USP25: variants seen among roughly 807,000 people sequenced by gnomAD.
The protein encoded by USP25 is ubiquitin carboxyl-terminal hydrolase 25.
A neutral mutation model predicts 158.5 loss-of-function variants in USP25; 85 were observed. The ratio of observed to expected loss-of-function variants is 0.54; its 90% CI spans 0.45 to 0.64. The LOEUF (loss-of-function observed/expected upper bound fraction) is 0.64, where lower values mean the gene tolerates loss of function less well. Among genes scored for constraint, USP25 ranks in the 30% least tolerant of loss-of-function variants. USP25 has a pLI of 0.00. For synonymous variants in USP25, 464 were observed against 460.4 expected (o/e 1.01, Z -0.10); for missense variants, 1,242 against 1,327.3 (o/e 0.94, Z 1.00).
intron 1 of USP25, among the ~76,000 whole-genome samples, chr21:15,734,726 T>G (rs1378221921): frequency 6.6e-6 from 1 of 152,168 alleles, no homozygotes; most frequent in Non-Finnish European, 1.5e-5. Flanking sequence ...TATTATATAT[T>G]GTTTCCTTAT....
chr21:15,733,146 C>CCCCCCG (rs1555818675), intron 1 of USP25, among the ~76,000 whole-genome samples: 1 of 46,856 alleles, frequency 2.1e-5, no homozygotes, highest in African/African-American at 6.7e-5. Context: ...CCCCCCCCCC[C>CCCCCCG]CCAATCTATC....
intron 4 of USP25, 78 bp from the exon 5 acceptor site, chr21:15,791,424 A>G (rs1474534383): frequency 7.3e-7 from 1 of 1,362,708 alleles, no homozygotes; most frequent in African/African-American, 1.5e-5. Flanking sequence ...TATGTAATGA[A>G]AATGCTTTTA....
At chr21:15,804,110 T>C (rs2036261779) in intron 6 of USP25, among the ~76,000 whole-genome samples, 1 of 152,062 alleles carries the variant, frequency 6.6e-6, no homozygotes, top group South Asian at 2.1e-4. Context: ...ATGTGAATTA[T>C]GTTATTTTTT....
In USP25 at chr21:15,827,143, C is replaced by A; in HGVS notation, c.1633C>A (p.Leu545Ile). 1 of 1,614,196 alleles carries A rather than the reference C, an allele frequency of 6.2e-7. No individual in the cohort carries two copies. Among genetic ancestry groups the A allele is most frequent in the Non-Finnish European group, 8.5e-7 (1 of 1,180,024 alleles). ...ACCAAGGCACATAACGGAGGAAGAA[C>A]TTTCTGTGCTGGAAAGTTGTTTACA... ...PAPRHITEEE[L>I]SVLESCLHRW... Residue 545 changes from leucine (L) to isoleucine (I), a missense_variant, in exon 14 of 26, where the codon CTT becomes ATT. Leu to Ile is a conservative substitution (Grantham distance 5, BLOSUM62 2). Coordinates refer to ENST00000400183, the MANE Select transcript of USP25 (RefSeq NM_001283041.3).
At chr21:15,799,591 A>C (rs1321773351) in intron 5 of USP25, 166 bp from the exon 6 acceptor site, 3 of 451,994 alleles carry the variant, frequency 6.6e-6, no homozygotes. Context: ...GTCAAATAAA[A>C]GAAACTTGAC....
chr21:15,842,312 T>G, intron 17 of USP25, 86 bp from the exon 18 acceptor site: 1 of 1,417,784 alleles, frequency 7.1e-7, no homozygotes, highest in Non-Finnish European at 9.4e-7. Flanking sequence ...TTACATAACT[T>G]CAGACATAGA....
In USP25 at chr21:15,802,706, A is replaced by G. The variant is rs1015990164; in HGVS notation, c.643-2415A>G. Among the ~76,000 whole-genome samples the G allele has an allele frequency of 4.6e-5, 7 of 151,882 alleles. No homozygotes were observed. In the East Asian group the frequency reaches 1.4e-3, roughly 29 times the overall value. On this transcript the variant is annotated intron_variant, in intron 6 of 25. Transcript: ENST00000400183. ...TTACCAGACATCTTATTAGAAAAGA[A>G]GAATGGTTTTCAATTAATGATAGCA... is the stretch of plus-strand genomic sequence containing the variant.
intron 3 of USP25, among the ~76,000 whole-genome samples, chr21:15,774,628 G>A (rs986923188): frequency 6.6e-6 from 1 of 152,090 alleles, no homozygotes; most frequent in East Asian, 1.9e-4. Context: ...TACACTAGTT[G>A]TTAGCAACAG....
At chr21:15,839,364 T>C (rs1221080266) in intron 17 of USP25, among the ~76,000 whole-genome samples, 1 of 152,152 alleles carries the variant, frequency 6.6e-6, no homozygotes, top group Non-Finnish European at 1.5e-5. Flanking sequence ...AATTGTATTA[T>C]ATGGTAAAAG....
chr21:15,763,118 A>ACC (rs2033833722), intron 2 of USP25, 150 bp downstream of exon 2: 1 of 625,374 alleles, frequency 1.6e-6, no homozygotes, highest in South Asian at 3.7e-5. Context: ...TCCTCAGTTA[A>ACC]CACACTGCGG....
chr21:15,777,885 A>C lies in USP25; in HGVS notation c.269-19A>C. 6.4e-7 allele frequency: 1 copy of C among 1,563,648 alleles called. No individual in the cohort carries two copies. On this transcript the variant is annotated intron_variant, in intron 3 of 25. Coordinates refer to ENST00000400183, the MANE Select transcript of USP25 (RefSeq NM_001283041.3). The stretch of plus-strand genomic sequence containing the variant: ...TTTGTTTTACTTTTAATTTTGAGAA[A>C]GATAGTTTTGCTTTTCAGATGTGAT...
At chr21:15,736,596 CTT>C (rs2031544416) in intron 1 of USP25, among the ~76,000 whole-genome samples, 1 of 150,882 alleles carries the variant, frequency 6.6e-6, no homozygotes, top group African/African-American at 2.4e-5. Context: ...AATTTTGGCT[CTT>C]TTAATTTTAA....
intron 20 of USP25, among the ~76,000 whole-genome samples, chr21:15,858,605 T>C (rs992668488): frequency 6.6e-6 from 1 of 152,002 alleles, no homozygotes; most frequent in African/African-American, 2.4e-5. Flanking sequence ...GTAAACTGTC[T>C]CCCAAAAATT....
intron 17 of USP25, among the ~76,000 whole-genome samples, chr21:15,834,343 G>A (rs1456938413): frequency 6.6e-6 from 1 of 152,098 alleles, no homozygotes; most frequent in African/African-American, 2.4e-5. Context: ...TATAGAAAAT[G>A]CTATTTCTCA....
At chr21:15,743,240 T>C (rs2032228926) in intron 1 of USP25, among the ~76,000 whole-genome samples, 1 of 151,980 alleles carries the variant, frequency 6.6e-6, no homozygotes, top group South Asian at 2.1e-4. Context: ...CAATTGGGAG[T>C]GTGTAACAGC....
At chr21:15,846,133 TATATATATATATATATATATATATA>T (rs2038580666) in intron 18 of USP25, among the ~76,000 whole-genome samples, 4 of 45,106 alleles carry the variant, frequency 8.9e-5, no homozygotes, top group Admixed American at 3.6e-4. Context: ...TATATATATA[TATATATATATATATATATATATATA>T]TTTTTTTTTT....
At chr21:15,840,025 A>G (rs1381855611) in intron 17 of USP25, among the ~76,000 whole-genome samples, 2 of 152,004 alleles carry the variant, frequency 1.3e-5, no homozygotes, top group African/African-American at 2.4e-5. Context: ...TACCAAATGT[A>G]TTATGTTCTT....
Position 15,765,979 on chromosome 21 carries a change from C to T in USP25, c.124-18C>T. 1 of 1,593,688 alleles carries T rather than the reference C, an allele frequency of 6.3e-7. No individual in the cohort carries two copies. Among genetic ancestry groups the T allele is most frequent in the Non-Finnish European group, 8.5e-7 (1 of 1,171,852 alleles). On this transcript the variant is annotated intron_variant, in intron 2 of 25. Coordinates refer to ENST00000400183, the MANE Select transcript of USP25 (RefSeq NM_001283041.3). ...AATTATTTCAAAACACTTGATACTC[C>T]TTTCTTGATATTTGAAGGATAGTAA...
intron 6 of USP25, among the ~76,000 whole-genome samples, chr21:15,801,076 A>G (rs2036110937): frequency 2.0e-5 from 3 of 151,524 alleles, no homozygotes; most frequent in Admixed American, 1.3e-4. Context: ...TTAATATCAC[A>G]GTTCTTCTCT....
Sources: gnomAD v4.1 joint callset for allele counts (sites outside exome capture counted in the v4.1 genomes callset) on GRCh38, gnomAD v4.1.1 for gene constraint, MANE v1.5 for transcripts, NCBI Gene and HGNC (gene_info 2026-07-23, HGNC 2026-07-21) for gene names.